PHF24: variants seen among roughly 807,000 people sequenced by gnomAD.
The protein encoded by PHF24 is PHD finger protein 24.
In PHF24, 25 loss-of-function variants were observed where a neutral mutation model predicts 42.6. That is an observed-to-expected ratio of 0.59 (90% confidence interval 0.43 to 0.82). The LOEUF (loss-of-function observed/expected upper bound fraction) is 0.82, where lower values mean the gene tolerates loss of function less well. Among genes scored for constraint, PHF24 ranks in the 40% least tolerant of loss-of-function variants. PHF24 has a pLI of 0.00. For synonymous variants in PHF24, 185 were observed against 204.8 expected (o/e 0.90, Z 0.83); for missense variants, 470 against 538.1 (o/e 0.87, Z 1.25).
chr9:34,781,074 G>A, the PHF24 span, among the ~76,000 whole-genome samples: 2 of 152,144 alleles, frequency 1.3e-5, no homozygotes. Flanking sequence ...AAAGCAGTTT[G>A]GCAATTTTTC....
the PHF24 span, among the ~76,000 whole-genome samples, chr9:34,757,886 G>A: frequency 2.0e-5 from 3 of 152,106 alleles, no homozygotes; most frequent in Non-Finnish European, 4.4e-5. Context: ...TAGGGCCATA[G>A]GGCTATTACT....
chr9:34,748,637 C>T, the PHF24 span, among the ~76,000 whole-genome samples: 3 of 152,126 alleles, frequency 2.0e-5, no homozygotes, highest in East Asian at 1.9e-4. Flanking sequence ...GTGGTTGGGG[C>T]GTCCCTTAAT....
the PHF24 span, among the ~76,000 whole-genome samples, chr9:34,930,324 G>A: frequency 6.6e-6 from 1 of 152,310 alleles, no homozygotes; most frequent in Middle Eastern, 3.4e-3. Context: ...ATTTGGGTGT[G>A]TCTGAAATGA....
chr9:34,747,099 C>T, the PHF24 span, among the ~76,000 whole-genome samples: 4 of 152,170 alleles, frequency 2.6e-5, no homozygotes, highest in African/African-American at 7.2e-5. Flanking sequence ...GCCAACAAGG[C>T]GGTTGTATTC....
the PHF24 span, among the ~76,000 whole-genome samples, chr9:34,711,295 G>A: frequency 6.7e-6 from 1 of 149,180 alleles, no homozygotes; most frequent in South Asian, 2.1e-4. Flanking sequence ...CACCCAGGCT[G>A]GAGTGCGGTG....
chr9:34,666,484 C>T, the PHF24 span, among the ~76,000 whole-genome samples: 2 of 151,242 alleles, frequency 1.3e-5, no homozygotes, highest in Non-Finnish European at 2.9e-5. Flanking sequence ...TGAGTGGCCT[C>T]GGCTAAGTCA....
chr9:34,779,883 G>A, the PHF24 span, among the ~76,000 whole-genome samples: 1 of 152,086 alleles, frequency 6.6e-6, no homozygotes, highest in African/African-American at 2.4e-5. Flanking sequence ...CTGCCAACAC[G>A]CCCCGCTAAT....
At chr9:34,824,097 G>A in the PHF24 span, among the ~76,000 whole-genome samples, 1 of 152,314 alleles carries the variant, frequency 6.6e-6, no homozygotes, top group East Asian at 1.9e-4. Flanking sequence ...AGTTTCCAGG[G>A]CAGGAGATGC....
the PHF24 span, among the ~76,000 whole-genome samples, chr9:34,824,717 CAT>C: frequency 5.9e-5 from 9 of 152,118 alleles, no homozygotes; most frequent in Non-Finnish European, 7.4e-5. Flanking sequence ...TTATGCATAA[CAT>C]GTGTTAATCT....
At chr9:34,926,063 C>T in the PHF24 span, among the ~76,000 whole-genome samples, 5 of 152,244 alleles carry the variant, frequency 3.3e-5, no homozygotes, top group African/African-American at 1.2e-4. The surrounding 1 kb of genome is among the most constrained non-coding windows in gnomAD (Gnocchi z 4.3). Context: ...ATTATCCACA[C>T]TAGTGGCATT....
At chr9:34,871,299 T>C in the PHF24 span, among the ~76,000 whole-genome samples, 1 of 152,234 alleles carries the variant, frequency 6.6e-6, no homozygotes, top group Admixed American at 6.5e-5. Context: ...TATTTTATTA[T>C]TGTCGAGTTT....
chr9:34,932,082 C>CCT, the PHF24 span, among the ~76,000 whole-genome samples: 5 of 152,140 alleles, frequency 3.3e-5, no homozygotes, highest in Non-Finnish European at 7.4e-5. Context: ...ACCTGGGGCT[C>CCT]CTCTCTATCT....
chr9:34,735,133 CTTTTTT>C, the PHF24 span, among the ~76,000 whole-genome samples: 1 of 112,482 alleles, frequency 8.9e-6, no homozygotes, highest in Non-Finnish European at 1.8e-5. Context: ...TTTCTTTTTT[CTTTTTT>C]TTTTTTTTTT....
chr9:34,803,270 T>A, the PHF24 span, among the ~76,000 whole-genome samples: 3 of 152,070 alleles, frequency 2.0e-5, no homozygotes, highest in African/African-American at 7.2e-5. Flanking sequence ...TAGGGAAAAT[T>A]AAAGAGCAAT....
At chr9:34,706,887 G>A in the PHF24 span, among the ~76,000 whole-genome samples, 1 of 151,964 alleles carries the variant, frequency 6.6e-6, no homozygotes, top group Non-Finnish European at 1.5e-5. Context: ...GCAACTTGGA[G>A]CCTGAGGCAG....
chr9:34,709,435 G>A, the PHF24 span: 1 of 1,612,802 alleles, frequency 6.2e-7, no homozygotes, highest in Non-Finnish European at 8.5e-7. Context: ...GTCCTGTGAG[G>A]GCAGAAGAGG....
the PHF24 span, among the ~76,000 whole-genome samples, chr9:34,696,466 G>A: frequency 1.4e-5 from 2 of 139,394 alleles, no homozygotes; most frequent in African/African-American, 5.4e-5. Context: ...CCAGGCTGGC[G>A]ACAGAGCAAG....
At chr9:34,671,807 T>TCATCCATCCATCCATC in the PHF24 span, among the ~76,000 whole-genome samples, 1 of 149,944 alleles carries the variant, frequency 6.7e-6, no homozygotes, top group African/African-American at 2.5e-5. Context: ...TTTTTCTGCC[T>TCATCCATCCATCCATC]CATCCATCCA....
At chr9:34,848,306 AC>A in the PHF24 span, among the ~76,000 whole-genome samples, 14 of 151,750 alleles carry the variant, frequency 9.2e-5, no homozygotes, top group East Asian at 1.9e-3. Flanking sequence ...CAGAGAGTCA[AC>A]TTCTTCCTGG....
Sources: allele counts gnomAD v4.1 joint callset (sites outside exome capture counted in the v4.1 genomes callset), GRCh38; gene constraint gnomAD v4.1.1; non-coding constraint Gnocchi (gnomAD v3.1); transcripts MANE v1.5; gene names NCBI Gene and HGNC (gene_info 2026-07-23, HGNC 2026-07-21).